RINT1: variants seen among roughly 807,000 people sequenced by gnomAD.
RINT1 encodes the protein RAD50 interactor 1.
Under a neutral mutation model 97.7 loss-of-function variants are expected in RINT1, and 75 were observed. The ratio of observed to expected loss-of-function variants is 0.77; its 90% CI spans 0.64 to 0.93. The LOEUF (loss-of-function observed/expected upper bound fraction) is 0.93. Ranked by LOEUF, RINT1 falls within the 40% of genes least tolerant of loss-of-function variation. The probability of loss-of-function intolerance (pLI) is 0.00; values close to 1 mark genes in which losing one functional copy is unlikely to be tolerated. For synonymous variants in RINT1, 303 were observed against 326.3 expected, an observed-to-expected ratio of 0.93 and a Z score of 0.77; for missense variants, 892 against 925.2, an observed-to-expected ratio of 0.96 and a Z score of 0.47.
At chr7:105,553,385 C>T (rs550425918) in intron 10 of RINT1, among the ~76,000 whole-genome samples, 133 of 151,790 alleles carry the variant, frequency 8.8e-4, no homozygotes, top group African/African-American at 3.2e-3. Flanking sequence ...GCCACCATGC[C>T]TGGTTAATTT....
Position 105,547,212 on chromosome 7 carries a change from C to A in RINT1, c.718C>A (p.His240Asn). The A allele has an allele frequency of 6.2e-7, 1 of 1,614,190 alleles. No individual in the cohort carries two copies. The highest frequency in any genetic ancestry group is 8.5e-7 in the Non-Finnish European group (1 of 1,180,036). ...SDFEEILAQL[H>N]WPFIAPPQSQ... The stretch of plus-strand genomic sequence containing the variant: ...TTTTGAGGAAATTTTAGCACAGCTT[C>A]ATTGGCCATTCATCGCACCCCCTCA... The change falls in exon 6 of 15, where the codon CAT becomes AAT. Residue 240 changes from histidine to asparagine, a missense_variant. Transcript: ENST00000257700.
chr7:105,542,986 G>A lies in RINT1; in HGVS notation c.515+337G>A, dbSNP rs1243365400. Among the ~76,000 whole-genome samples, 8 of 151,750 alleles carry A rather than the reference G, an allele frequency of 5.3e-5. No homozygotes were observed. In the East Asian group the frequency reaches 1.2e-3, roughly 22 times the overall value. ...TGCAAGCTACACCTCCCGGGTTCAT[G>A]CCATTCTCCTGCCTCAGCCTCCCGA... On this transcript the variant is annotated intron_variant, in intron 4 of 14. Coordinates refer to ENST00000257700, the MANE Select transcript of RINT1 (RefSeq NM_021930.6).
In RINT1 at chr7:105,563,435, A is replaced by T. The variant is rs557609234; in HGVS notation, c.1672-298A>T. 1.5e-4 allele frequency among the ~76,000 whole-genome samples: 23 copies of T among 152,298 alleles called. 1 individual carries two copies. Among genetic ancestry groups the T allele is most frequent in the Non-Finnish European group, 7.3e-5 (5 of 68,032 alleles). On this transcript the variant is annotated intron_variant, in intron 11 of 14. Transcript: ENST00000257700. The stretch of plus-strand genomic sequence containing the variant: ...GAGTGCAGAGGCATGATCTCGGCTC[A>T]CTGCAACTTCCACCTTCCAGGTTCA...
chr7:105,566,721 T>G (rs755235650), intron 14 of RINT1: 1 of 152,738 alleles, frequency 6.5e-6, no homozygotes, highest in Non-Finnish European at 1.5e-5. Flanking sequence ...AAATGAAAGC[T>G]TATGTTTACA....
At chr7:105,539,285 C>A (rs527742924) in intron 3 of RINT1, among the ~76,000 whole-genome samples, 1 of 152,056 alleles carries the variant, frequency 6.6e-6, no homozygotes, top group Admixed American at 6.6e-5. Flanking sequence ...ATCCTCTCAT[C>A]CTCTATCCCA....
intron 3 of RINT1, among the ~76,000 whole-genome samples, chr7:105,539,355 C>CTTTTTTTTT (rs56362601): frequency 7.6e-6 from 1 of 131,654 alleles, no homozygotes; most frequent in African/African-American, 2.9e-5. Context: ...CTTTCCCACT[C>CTTTTTTTTT]TTTTTTTTTT....
Position 105,566,742 on chromosome 7 carries a change from G to A in RINT1, c.2187-377G>A, listed in dbSNP as rs539540179. 4 of 153,890 alleles carry A rather than the reference G, an allele frequency of 2.6e-5. No individual in the cohort carries two copies. The South Asian group carries it at 8.3e-4, about 32-fold the overall frequency. The allele number at this position is 153,890 out of a possible 1,614,324, so 9.5% of individuals were successfully genotyped here. ...AAGCTTATGTTTACACGTTTCATAG[G>A]ACTGTTTTTAAAATTTATTTTAATG... is the stretch of plus-strand genomic sequence containing the variant. On this transcript the variant is annotated intron_variant, in intron 14 of 14. Coordinates refer to ENST00000257700, the MANE Select transcript of RINT1 (RefSeq NM_021930.6).
At chr7:105,532,421 C>T (rs538380345) in intron 1 of RINT1, 64 bp downstream of exon 1, 108 of 1,526,834 alleles carry the variant, frequency 7.1e-5, no homozygotes, top group Non-Finnish European at 9.3e-5. Flanking sequence ...CACAGACCTC[C>T]CGGGGGAGAT....
In RINT1 at chr7:105,567,250, C is replaced by T. The variant is rs754448407; in HGVS notation, c.2318C>T (p.Ala773Val). 1.2e-6 allele frequency: 2 copies of T among 1,613,276 alleles called. No individual in the cohort carries two copies. Among genetic ancestry groups the T allele is most frequent in the Admixed American group, 3.3e-5 (2 of 59,792 alleles). The change falls in exon 15 of 15, where the codon GCT becomes GTT. Residue 773 changes from alanine (A) to valine (V), a missense_variant. Coordinates refer to ENST00000257700, the MANE Select transcript of RINT1 (RefSeq NM_021930.6). ...AATGAAGTTGGAATTTACAAACTGG[C>T]TCAACAAGATGTTGAGATTCTACTT... is the stretch of plus-strand genomic sequence containing the variant. Reference protein sequence around the residue: ...ALNEVGIYKLAQQDVEILLNL... With the variant: ...ALNEVGIYKLVQQDVEILLNL...
At position 105,551,644 on chromosome 7, in the gene RINT1, G is replaced by A. The variant is rs755218444; in HGVS notation, c.1408G>A (p.Val470Met). Residue 470 changes from valine (V) to methionine (M), a missense_variant, in exon 10 of 15, where the codon GTG becomes ATG. By Grantham distance (21) the Val-to-Met change is conservative. Transcript: ENST00000257700. ...WVSQYKDITD[V>M]DEMKVPDCAE... ...ATCGCAATATAAGGATATCACTGAC[G>A]TGGATGAAATGAAAGTTCCAGATTG... is the stretch of plus-strand genomic sequence containing the variant. The A allele has an allele frequency of 1.9e-6, 3 of 1,612,370 alleles. No homozygotes were observed. Among genetic ancestry groups the A allele is most frequent in the Non-Finnish European group, 2.5e-6 (3 of 1,179,010 alleles).
At position 105,548,479 on chromosome 7, in the gene RINT1, G is replaced by A. The variant is rs920267506; in HGVS notation, c.840-75G>A. 6.3e-5 allele frequency: 87 copies of A among 1,381,732 alleles called. 1 individual carries two copies. The Admixed American group carries it at 1.5e-3, about 23-fold the overall frequency. 85.6% of individuals were successfully genotyped at this position (1,381,732 alleles called of 1,614,324 possible). A position where few individuals can be genotyped will look rare whatever the true frequency, so the allele number is the denominator to read the frequency against. ...GATACATTTGTTGGAAAAATTTATT[G>A]TGTGTGTATACATACATATGTGTGT... On this transcript the variant is annotated intron_variant, in intron 6 of 14. Coordinates refer to ENST00000257700, the MANE Select transcript of RINT1 (RefSeq NM_021930.6).
At chr7:105,535,382 G>T (rs10281874) in intron 2 of RINT1, among the ~76,000 whole-genome samples, 1 of 151,698 alleles carries the variant, frequency 6.6e-6, no homozygotes, top group South Asian at 2.1e-4. Context: ...AGCGTGCACC[G>T]CCATGCCCAG....
Position 105,550,031 on chromosome 7 carries a change from C to A in RINT1, c.997-24C>A. ...TTCTAATTGGAATGACTTAAGAATT[C>A]AAACTATTTTCCTCCTTCCTTAGCC... On this transcript the variant is annotated intron_variant, in intron 7 of 14. Coordinates refer to ENST00000257700, the MANE Select transcript of RINT1 (RefSeq NM_021930.6). The A allele has an allele frequency of 2.1e-6, 3 of 1,433,428 alleles. No individual in the cohort carries two copies. In the South Asian group the frequency reaches 3.6e-5, roughly 17 times the overall value. 88.8% of individuals were successfully genotyped at this position (1,433,428 alleles called of 1,614,324 possible).
At chr7:105,561,074 G>A (rs1029963361) in intron 11 of RINT1, among the ~76,000 whole-genome samples, 5 of 149,214 alleles carry the variant, frequency 3.4e-5, no homozygotes, top group African/African-American at 5.0e-5. Flanking sequence ...ATGTGTTCAC[G>A]GCCTAATGCT....
intron 10 of RINT1, among the ~76,000 whole-genome samples, 156 bp downstream of exon 10, chr7:105,551,863 C>T (rs1247780492): frequency 6.6e-6 from 1 of 152,030 alleles, no homozygotes; most frequent in East Asian, 1.9e-4. Flanking sequence ...CCCAGGAGTT[C>T]GAGAACAGCC....
intron 11 of RINT1, among the ~76,000 whole-genome samples, chr7:105,559,744 A>G (rs893403345): frequency 3.3e-5 from 5 of 152,134 alleles, no homozygotes; most frequent in African/African-American, 9.7e-5. Flanking sequence ...CAATAACTAT[A>G]TAGTGCAAGT....
chr7:105,547,384 G>T (rs751505556), intron 6 of RINT1, 51 bp downstream of exon 6: 1 of 1,586,196 alleles, frequency 6.3e-7, no homozygotes, highest in Non-Finnish European at 8.6e-7. Flanking sequence ...TTCTAGAATG[G>T]GTTTGTGGCT....
chr7:105,561,116 C>A (rs1252565880), intron 11 of RINT1, among the ~76,000 whole-genome samples: 1 of 148,346 alleles, frequency 6.7e-6, no homozygotes, highest in Non-Finnish European at 1.5e-5. Flanking sequence ...AAAAAAAAAA[C>A]CTTGGCAAGG....
intron 10 of RINT1, 67 bp from the exon 11 acceptor site, chr7:105,554,961 G>T (rs1791110964): frequency 1.8e-5 from 23 of 1,268,124 alleles, no homozygotes; most frequent in Non-Finnish European, 2.5e-5. Context: ...AGGACAGTAG[G>T]GAAAACTTAT....
Sources: allele counts gnomAD v4.1 joint callset (sites outside exome capture counted in the v4.1 genomes callset), GRCh38; gene constraint gnomAD v4.1.1; transcripts MANE v1.5; gene names NCBI Gene and HGNC (gene_info 2026-07-23, HGNC 2026-07-21).